The following RNF111 variants were observed in gnomAD, a reference collection of about 807,000 sequenced individuals.
The protein encoded by RNF111 is E3 ubiquitin-protein ligase Arkadia.
A neutral mutation model predicts 95.1 loss-of-function variants in RNF111; 17 were observed. The observed-to-expected ratio is 0.18, with a 90% confidence interval of 0.12 to 0.27. RNF111 has a LOEUF of 0.27. Ranked by LOEUF, RNF111 falls within the 10% of genes least tolerant of loss-of-function variation. The pLI, the probability that RNF111 is intolerant of heterozygous loss-of-function variation, is 1.00. For missense variants in RNF111, 1,189 were observed against 1,210.4 expected (o/e 0.98, Z 0.26); for synonymous variants, 440 against 414.8 (o/e 1.06, Z -0.74).
intron 1 of RNF111, among the ~76,000 whole-genome samples, chr15:59,021,400 C>G (rs1420133220): frequency 6.6e-6 from 1 of 152,182 alleles, no homozygotes; most frequent in Admixed American, 6.5e-5. Flanking sequence ...ATCCGCCTGT[C>G]TCGGCCTCCC....
At chr15:59,022,318 C>G (rs1028598496) in intron 1 of RNF111, among the ~76,000 whole-genome samples, 1 of 152,118 alleles carries the variant, frequency 6.6e-6, no homozygotes, top group African/African-American at 2.4e-5. Flanking sequence ...CAGAGCAAGC[C>G]TTAGCTGAGA....
At chr15:59,092,448 G>C in intron 12 of RNF111, 89 bp from the exon 13 acceptor site, 1 of 1,389,972 alleles carries the variant, frequency 7.2e-7, no homozygotes, top group Non-Finnish European at 9.5e-7. Context: ...GTTTTGTTTT[G>C]TTTTGTTTTT....
intron 1 of RNF111, among the ~76,000 whole-genome samples, chr15:59,004,692 G>C (rs1203566944): frequency 6.6e-6 from 1 of 152,144 alleles, no homozygotes; most frequent in African/African-American, 2.4e-5. Context: ...TTTAGTCAAA[G>C]ATAACCTTGG....
intron 1 of RNF111, among the ~76,000 whole-genome samples, chr15:59,003,180 A>C (rs781641499): frequency 6.6e-5 from 10 of 152,252 alleles, no homozygotes; most frequent in African/African-American, 2.4e-4. Flanking sequence ...CAGTGGCTCA[A>C]TGTCAGCTCA....
chr15:58,991,309 A>G (rs1312249144), intron 1 of RNF111, among the ~76,000 whole-genome samples: 5 of 152,092 alleles, frequency 3.3e-5, no homozygotes, highest in African/African-American at 1.2e-4. Context: ...CAAAACAACA[A>G]AAAAGCCTCC....
intron 1 of RNF111, among the ~76,000 whole-genome samples, chr15:59,026,073 G>A (rs2040592000): frequency 6.6e-6 from 1 of 151,612 alleles, no homozygotes; most frequent in South Asian, 2.1e-4. Flanking sequence ...TTAGAGTCAT[G>A]TAAGCAATCA....
intron 13 of RNF111, among the ~76,000 whole-genome samples, chr15:59,093,984 T>C (rs2079128117): frequency 6.6e-6 from 1 of 152,194 alleles, no homozygotes; most frequent in Admixed American, 6.5e-5. Context: ...GTATAAAAAC[T>C]CTTAACAGTT....
intron 1 of RNF111, among the ~76,000 whole-genome samples, chr15:58,998,439 C>T (rs1277122529): frequency 1.3e-5 from 2 of 152,072 alleles, no homozygotes; most frequent in African/African-American, 2.4e-5. Context: ...AGTGTTCTTC[C>T]CCTCATTGTG....
At chr15:59,075,203 T>C (rs1411282277) in intron 6 of RNF111, among the ~76,000 whole-genome samples, 5 of 152,236 alleles carry the variant, frequency 3.3e-5, no homozygotes, top group Non-Finnish European at 1.5e-5. Flanking sequence ...AAAATAACTC[T>C]GATAGACTTG....
At chr15:59,008,527 T>C (rs1461495091) in intron 1 of RNF111, among the ~76,000 whole-genome samples, 3 of 152,256 alleles carry the variant, frequency 2.0e-5, no homozygotes, top group East Asian at 3.9e-4. Context: ...CCTACCACCA[T>C]TTGTTGAAAA....
chr15:59,029,180 T>A (rs1228610935), intron 1 of RNF111, among the ~76,000 whole-genome samples: 2 of 152,188 alleles, frequency 1.3e-5, no homozygotes, highest in Non-Finnish European at 2.9e-5. Context: ...GTTTTTTTTT[T>A]ATGCATCCTC....
At chr15:59,028,834 T>G (rs2040756442) in intron 1 of RNF111, among the ~76,000 whole-genome samples, 1 of 151,732 alleles carries the variant, frequency 6.6e-6, no homozygotes, top group African/African-American at 2.4e-5. Context: ...AGCTGGACTG[T>G]AGCGGTGCAG....
intron 2 of RNF111, among the ~76,000 whole-genome samples, chr15:59,032,262 T>C (rs767073731): frequency 6.6e-6 from 1 of 152,194 alleles, no homozygotes; most frequent in Non-Finnish European, 1.5e-5. Flanking sequence ...TTTATACATA[T>C]TAGATTATAT....
At chr15:59,045,865 T>C (rs1223474384) in intron 2 of RNF111, among the ~76,000 whole-genome samples, 2 of 152,222 alleles carry the variant, frequency 1.3e-5, no homozygotes, top group African/African-American at 4.8e-5. Context: ...AATTTGGAAA[T>C]TCAATCTACA....
intron 1 of RNF111, among the ~76,000 whole-genome samples, chr15:58,989,568 C>T (rs1371738715): frequency 6.6e-6 from 1 of 152,146 alleles, no homozygotes; most frequent in Non-Finnish European, 1.5e-5. Context: ...TGTCTGTTGG[C>T]CACTTGTTTG....
At chr15:59,046,547 C>A (rs2041718685) in intron 2 of RNF111, among the ~76,000 whole-genome samples, 1 of 152,206 alleles carries the variant, frequency 6.6e-6, no homozygotes, top group African/African-American at 2.4e-5. Flanking sequence ...AAATTTAGAC[C>A]TTTTACCTGT....
intron 3 of RNF111, among the ~76,000 whole-genome samples, chr15:59,053,281 A>C (rs186655528): frequency 1.3e-5 from 2 of 152,088 alleles, no homozygotes; most frequent in Non-Finnish European, 2.9e-5. Flanking sequence ...CAAAATATCA[A>C]CTCCTAACAT....
At chr15:59,034,284 ATGTAAG>A (rs1567231698) in intron 2 of RNF111, among the ~76,000 whole-genome samples, 1 of 152,126 alleles carries the variant, frequency 6.6e-6, no homozygotes, top group African/African-American at 2.4e-5. Context: ...TTATACACCT[ATGTAAG>A]TGTATCTTAA....
intron 1 of RNF111, among the ~76,000 whole-genome samples, chr15:59,009,076 C>T (rs1159624237): frequency 6.6e-6 from 1 of 152,124 alleles, no homozygotes; most frequent in Non-Finnish European, 1.5e-5. Context: ...TCTCTTGCCT[C>T]AGCCTCCCGA....
Sources: allele counts gnomAD v4.1 joint callset (sites outside exome capture counted in the v4.1 genomes callset), GRCh38; gene constraint gnomAD v4.1.1; transcripts MANE v1.5; gene names NCBI Gene and HGNC (gene_info 2026-07-23, HGNC 2026-07-21).